SHROOM2: variants seen among roughly 807,000 people sequenced by gnomAD.
The protein encoded by SHROOM2 is protein Shroom2.
A neutral mutation model predicts 75.9 loss-of-function variants in SHROOM2; 33 were observed. The observed-to-expected ratio is 0.43, with a 90% CI of 0.33 to 0.58. The LOEUF (loss-of-function observed/expected upper bound fraction) is 0.58, where lower values mean the gene tolerates loss of function less well. Ranked by LOEUF, SHROOM2 falls within the 20% of genes least tolerant of loss-of-function variation. The pLI is 0.04. For synonymous variants in SHROOM2, 655 were observed against 663.6 expected (o/e 0.99, Z 0.20); for missense variants, 1,434 against 1,461.2 (o/e 0.98, Z 0.30).
chrX:9,829,898 G>A (rs1410061342), intron 1 of SHROOM2, among the ~76,000 whole-genome samples: 1 of 111,711 alleles, frequency 9.0e-6, no homozygotes, highest in African/African-American at 3.3e-5. Context: ...TATTATTCAG[G>A]TTTCAGGTTC....
intron 1 of SHROOM2, among the ~76,000 whole-genome samples, chrX:9,830,136 C>A (rs893613662): frequency 9.0e-6 from 1 of 111,323 alleles, no homozygotes; most frequent in African/African-American, 3.3e-5. Flanking sequence ...CCATCTTGAT[C>A]TTGGACTTCC....
chrX:9,786,766 G>A, intron 1 of SHROOM2, 56 bp downstream of exon 1: 2 of 824,865 alleles, frequency 2.4e-6, no homozygotes, highest in East Asian at 6.2e-5. Context: ...GCCCTGCGGG[G>A]CGCGTCGAGG....
chrX:9,863,068 TC>T, intron 1 of SHROOM2, among the ~76,000 whole-genome samples: 1 of 110,739 alleles, frequency 9.0e-6, no homozygotes, highest in South Asian at 3.8e-4. Context: ...CTGACCTCCC[TC>T]CAAGAAGACT....
chrX:9,800,375 C>T (rs2146729849), intron 1 of SHROOM2, among the ~76,000 whole-genome samples: 1 of 110,747 alleles, frequency 9.0e-6, no homozygotes, highest in South Asian at 3.9e-4. Context: ...GAGTCATGCT[C>T]TGTCACCCAG....
At chrX:9,832,577 G>A (rs779146685) in intron 1 of SHROOM2, among the ~76,000 whole-genome samples, 1 of 112,050 alleles carries the variant, frequency 8.9e-6, no homozygotes, top group Admixed American at 9.4e-5. Flanking sequence ...ATGGGATAGG[G>A]AGCGGGCACA....
At position 9,873,806 on chromosome X, in the gene SHROOM2, A is replaced by G. The variant is rs2084184209; in HGVS notation, c.317+3A>G. 3.3e-6 allele frequency: 4 copies of G among 1,210,255 alleles called. No individual in the cohort carries two copies. The highest frequency in any genetic ancestry group is 4.5e-6 in the Non-Finnish European group (4 of 894,793). ...ACCCTGAAGCTGGTCGTCAAAAGGT[A>G]AGATCTGAGCTTCCTCCCACATTTA... On this transcript the variant is annotated splice_donor_region_variant and intron_variant, in intron 2 of 9. Transcript: ENST00000380913.
At chrX:9,847,179 C>G (rs964577091) in intron 1 of SHROOM2, among the ~76,000 whole-genome samples, 3 of 112,345 alleles carry the variant, frequency 2.7e-5, no homozygotes, top group Admixed American at 9.4e-5. Context: ...AATGTTCAAC[C>G]CCAGTGAAGA....
chrX:9,792,454 G>GTTTTTTTTTTT (rs34640554), intron 1 of SHROOM2, among the ~76,000 whole-genome samples: 4 of 98,259 alleles, frequency 4.1e-5, no homozygotes, highest in Non-Finnish European at 6.3e-5. Context: ...GTTTTTTTGT[G>GTTTTTTTTTTT]TTGTTTTTTT....
rs977483253 is a variant in SHROOM2, at chrX:9,895,342, G to A, written c.1434G>A (p.Arg478=). The change falls in exon 4 of 10, where the codon CGG becomes CGA. Residue 478 remains arginine (R), a synonymous_variant. Transcript: ENST00000380913. ...QKLGSGWQGP[R]PCVQGDLQAA... Reference sequence around the variant, plus strand: ...TGGGGAGCGGCTGGCAGGGTCCCCGGCCCTGTGTGCAGGGAGACCTGCAAG... The same window carrying A: ...TGGGGAGCGGCTGGCAGGGTCCCCGACCCTGTGTGCAGGGAGACCTGCAAG... 8 of 1,179,113 alleles carry A rather than the reference G, an allele frequency of 6.8e-6. 1 individual carries two copies. In the Middle Eastern group the frequency reaches 1.4e-3, roughly 211 times the overall value.
intron 1 of SHROOM2, among the ~76,000 whole-genome samples, chrX:9,796,247 A>T (rs2083694504): frequency 9.2e-6 from 1 of 108,783 alleles, no homozygotes; most frequent in Non-Finnish European, 1.9e-5. Context: ...ACAAAATGAG[A>T]CCCCATCTCT....
intron 2 of SHROOM2, among the ~76,000 whole-genome samples, chrX:9,885,975 A>G (rs2084258931): frequency 9.1e-6 from 1 of 110,050 alleles, no homozygotes; most frequent in Non-Finnish European, 1.9e-5. Context: ...AAAAGCCACA[A>G]TTCGTATAAG....
chrX:9,921,710 C>G (rs2084547136), intron 5 of SHROOM2, among the ~76,000 whole-genome samples: 1 of 112,260 alleles, frequency 8.9e-6, no homozygotes, highest in Admixed American at 9.4e-5. Context: ...ACTTGTCTTT[C>G]TGTGCCTGGC....
chrX:9,889,536 C>T (rs1489023932), intron 2 of SHROOM2, among the ~76,000 whole-genome samples: 2 of 111,594 alleles, frequency 1.8e-5, no homozygotes, highest in Admixed American at 1.9e-4. Context: ...GCAGTGTTCC[C>T]CTGGAGGCCC....
At chrX:9,814,573 T>C (rs760455853) in intron 1 of SHROOM2, among the ~76,000 whole-genome samples, 2 of 111,015 alleles carry the variant, frequency 1.8e-5, no homozygotes. Context: ...AGAATCAACA[T>C]ATTTTGCCTG....
chrX:9,881,181 C>A (rs1354642565), intron 2 of SHROOM2, among the ~76,000 whole-genome samples: 1 of 111,802 alleles, frequency 8.9e-6, no homozygotes, highest in Admixed American at 9.5e-5. Context: ...AGCAACAGTT[C>A]TCTGCACCAC....
chrX:9,836,023 C>A (rs2083942309), intron 1 of SHROOM2, among the ~76,000 whole-genome samples: 1 of 112,234 alleles, frequency 8.9e-6, no homozygotes, highest in African/African-American at 3.2e-5. Context: ...TCTTCGCACC[C>A]CTGAGCACCT....
chrX:9,842,988 G>A (rs1000421955), intron 1 of SHROOM2, among the ~76,000 whole-genome samples: 8 of 112,244 alleles, frequency 7.1e-5, no homozygotes, highest in African/African-American at 2.6e-4. Context: ...TGGCTCCTGC[G>A]TGGCAGGGCC....
At chrX:9,898,877 G>T (rs185291779) in intron 5 of SHROOM2, among the ~76,000 whole-genome samples, 12 of 110,854 alleles carry the variant, frequency 1.1e-4, no homozygotes, top group African/African-American at 4.0e-4. Flanking sequence ...AGATTAGAGC[G>T]TTTTGTGCCA....
intron 5 of SHROOM2, among the ~76,000 whole-genome samples, chrX:9,920,086 TCAGA>T (rs1212446451): frequency 1.6e-5 from 1 of 64,373 alleles, no homozygotes; most frequent in South Asian, 5.3e-4. Context: ...CTACGGTTCA[TCAGA>T]CAGACATCTC....
Sources: allele counts gnomAD v4.1 joint callset (sites outside exome capture counted in the v4.1 genomes callset), GRCh38; gene constraint gnomAD v4.1.1; transcripts MANE v1.5; gene names NCBI Gene and HGNC (gene_info 2026-07-23, HGNC 2026-07-21).